Variants in YME1L1 observed in about 807,000 individuals in gnomAD.
YME1L1 encodes the protein ATP-dependent zinc metalloprotease YME1L1.
In YME1L1, 39 loss-of-function variants were observed where a neutral mutation model predicts 90.4. The observed-to-expected ratio is 0.43, with a 90% CI of 0.33 to 0.56. The LOEUF (loss-of-function observed/expected upper bound fraction) is 0.56, where lower values mean the gene tolerates loss of function less well. Among genes scored for constraint, YME1L1 ranks in the 20% least tolerant of loss-of-function variants. The probability of loss-of-function intolerance (pLI) is 0.03; values close to 1 mark genes in which losing one functional copy is unlikely to be tolerated. For synonymous variants in YME1L1, 284 were observed against 287.3 expected (o/e 0.99, Z 0.12); for missense variants, 617 against 868.4 (o/e 0.71, Z 3.64).
intron 17 of YME1L1, among the ~76,000 whole-genome samples, chr10:27,114,980 T>A (rs1278898407): frequency 1.3e-5 from 2 of 151,892 alleles, no homozygotes; most frequent in African/African-American, 4.8e-5. Context: ...TAAGCTGACA[T>A]TGCGCCACTG....
Position 27,111,312 on chromosome 10 carries a change from T to G in YME1L1, c.*665A>C, listed in dbSNP as rs2056756498. ...CTCAGGTGATTTGCCCGCCTTGGCC[T>G]CTGAAAAGTGCTGGGATTACAGGCG... On this transcript the variant is annotated 3_prime_UTR_variant, in exon 19 of 19. Transcript: ENST00000376016. The G allele has an allele frequency of 6.5e-6, 1 of 153,120 alleles. No homozygotes were observed. The highest frequency in any genetic ancestry group is 2.4e-5 in the African/African-American group (1 of 41,432). 9.5% of individuals were successfully genotyped at this position (153,120 alleles called of 1,614,324 possible).
chr10:27,112,930 A>G (rs772949689), intron 18 of YME1L1, among the ~76,000 whole-genome samples: 2 of 151,960 alleles, frequency 1.3e-5, no homozygotes, highest in Non-Finnish European at 2.9e-5. Flanking sequence ...CTTACCCTTA[A>G]AACCTGCCTG....
Position 27,134,099 on chromosome 10 carries a change from T to G in YME1L1, c.715A>C (p.Ile239Leu). 1 of 1,613,226 alleles carries G rather than the reference T, an allele frequency of 6.2e-7. No homozygotes were observed. The highest frequency in any genetic ancestry group is 8.5e-7 in the Non-Finnish European group (1 of 1,179,772). ...TNDSLRRTRL[I>L]LFVLLLFGIY... ...CCGAATAGCAGCAGAACGAAGAGAA[T>G]CAGACGGGTTCGCCTTAGGGAATCT... Residue 239 changes from isoleucine (I) to leucine (L), a missense_variant, in exon 7 of 19, where the codon ATT (isoleucine) becomes CTT (leucine). Transcript: ENST00000376016.
intron 9 of YME1L1, among the ~76,000 whole-genome samples, chr10:27,123,907 A>G (rs2135855785): frequency 6.6e-6 from 1 of 152,306 alleles, no homozygotes; most frequent in Admixed American, 6.5e-5. Context: ...TGTATTATAT[A>G]AATATTGTTT....
chr10:27,120,321 A>C (rs550634405), intron 13 of YME1L1, 114 bp downstream of exon 13: 1 of 698,974 alleles, frequency 1.4e-6, no homozygotes, highest in East Asian at 2.8e-5. Context: ...AAAAAAAAAG[A>C]CAAAAATGAA....
intron 6 of YME1L1, 124 bp from the exon 7 acceptor site, chr10:27,134,246 ATTCT>A: frequency 1.3e-6 from 1 of 775,138 alleles, no homozygotes; most frequent in Middle Eastern, 3.8e-4. Flanking sequence ...GGAATCTGGC[ATTCT>A]TTCTCACAAC....
chr10:27,136,616 CAA>C (rs2057030305), intron 4 of YME1L1, among the ~76,000 whole-genome samples: 1 of 152,106 alleles, frequency 6.6e-6, no homozygotes, highest in Middle Eastern at 3.4e-3. Context: ...CTCAGCCTCC[CAA>C]AGAGCTGGGA....
chr10:27,123,823 A>G (rs2056890751), intron 9 of YME1L1, 124 bp from the exon 10 acceptor site: 12 of 992,292 alleles, frequency 1.2e-5, no homozygotes, highest in Middle Eastern at 3.4e-4. Flanking sequence ...AATAACCAAT[A>G]TTTTGAAACA....
intron 1 of YME1L1, chr10:27,153,314 G>A: frequency 4.3e-6 from 2 of 465,374 alleles, no homozygotes; most frequent in Non-Finnish European, 8.8e-6. Flanking sequence ...CTTAAAATGA[G>A]GGGGAGTAAA....
chr10:27,145,122 CAGA>C (rs1444625498), intron 3 of YME1L1, among the ~76,000 whole-genome samples: 1 of 152,052 alleles, frequency 6.6e-6, no homozygotes. Context: ...GCCTGGCTGA[CAGA>C]AGGAGACTCC....
At chr10:27,117,750 A>G (rs1368744549) in intron 14 of YME1L1, 23 bp from the exon 15 acceptor site, 1 of 1,608,206 alleles carries the variant, frequency 6.2e-7, no homozygotes, top group African/African-American at 1.3e-5. Context: ...TAATTGAGTA[A>G]ATACTCCATT....
At chr10:27,119,911 A>T (rs1397505084) in intron 13 of YME1L1, among the ~76,000 whole-genome samples, 3 of 152,158 alleles carry the variant, frequency 2.0e-5, no homozygotes, top group African/African-American at 7.2e-5. Flanking sequence ...TCTGAATTTC[A>T]TCTGGAAATA....
chr10:27,149,813 G>A (rs977515459), intron 1 of YME1L1, among the ~76,000 whole-genome samples: 3 of 148,934 alleles, frequency 2.0e-5, no homozygotes, highest in Admixed American at 6.8e-5. Context: ...GGTGGCTCAT[G>A]CCTGTAATCC....
chr10:27,143,481 C>T (rs984729121), intron 3 of YME1L1, among the ~76,000 whole-genome samples: 2 of 152,012 alleles, frequency 1.3e-5, no homozygotes, highest in African/African-American at 2.4e-5. Flanking sequence ...GGGCGGATCA[C>T]GAGGTCAGGA....
At chr10:27,140,533 C>G (rs1238018691) in intron 4 of YME1L1, among the ~76,000 whole-genome samples, 1 of 152,084 alleles carries the variant, frequency 6.6e-6, no homozygotes, top group Admixed American at 6.5e-5. Flanking sequence ...GGCTGGAGTT[C>G]AGTGGCGCGG....
chr10:27,128,989 G>A (rs1044741540), intron 8 of YME1L1, among the ~76,000 whole-genome samples: 2 of 146,248 alleles, frequency 1.4e-5, no homozygotes, highest in Non-Finnish European at 3.0e-5. Context: ...GGGAGGTTAA[G>A]GCAGGAGTAT....
intron 1 of YME1L1, 142 bp downstream of exon 1, chr10:27,154,036 C>G: frequency 1.8e-6 from 2 of 1,114,094 alleles, no homozygotes; most frequent in Non-Finnish European, 2.6e-6. Context: ...GTCCCCTGAT[C>G]CACTCCTCAA....
chr10:27,149,383 G>A (rs2057182983), intron 1 of YME1L1, among the ~76,000 whole-genome samples: 1 of 152,084 alleles, frequency 6.6e-6, no homozygotes, highest in Non-Finnish European at 1.5e-5. Flanking sequence ...GTAGAAAGCT[G>A]GAAACATCCA....
At chr10:27,114,498 A>G in intron 18 of YME1L1, 23 bp downstream of exon 18, 1 of 1,591,222 alleles carries the variant, frequency 6.3e-7, no homozygotes, top group Non-Finnish European at 8.6e-7. Flanking sequence ...AAGAAAATAA[A>G]TAAGCACAAA....
Sources: allele counts gnomAD v4.1 joint callset (sites outside exome capture counted in the v4.1 genomes callset), GRCh38; gene constraint gnomAD v4.1.1; transcripts MANE v1.5; gene names NCBI Gene and HGNC (gene_info 2026-07-23, HGNC 2026-07-21).